Variants in TRMO observed in about 807,000 individuals in gnomAD.
TRMO encodes the protein tRNA (adenine(37)-N6)-methyltransferase.
Under a neutral mutation model 37.2 loss-of-function variants are expected in TRMO, and 30 were observed. The observed-to-expected ratio is 0.81, with a 90% CI of 0.60 to 1.09. TRMO has a LOEUF of 1.09. Among genes scored for constraint, TRMO ranks in the 50% least tolerant of loss-of-function variants. The probability of loss-of-function intolerance (pLI) is 0.00; values close to 1 mark genes in which losing one functional copy is unlikely to be tolerated. For missense variants in TRMO, 552 were observed against 549.5 expected, an observed-to-expected ratio of 1.00 and a Z score of -0.05; for synonymous variants, 239 against 199.4, an observed-to-expected ratio of 1.20 and a Z score of -1.67.
At chr9:97,908,086 T>C (rs1478199253) in intron 4 of TRMO, among the ~76,000 whole-genome samples, 2 of 151,670 alleles carry the variant, frequency 1.3e-5, no homozygotes, top group African/African-American at 4.8e-5. Context: ...TCAAGACAAG[T>C]CTGGGCAACA....
Position 97,909,963 on chromosome 9 carries a change from G to A in TRMO, c.1063C>T (p.Gln355Ter), listed in dbSNP as rs1401983107. The A allele has an allele frequency of 2.6e-6, 4 of 1,525,758 alleles. No individual in the cohort carries two copies. The highest frequency in any genetic ancestry group is 3.5e-6 in the Non-Finnish European group (4 of 1,137,680). The allele number at this position is 1,525,758 out of a possible 1,614,324, so 94.5% of individuals were successfully genotyped here. Residue 355 changes from glutamine (Q) to a stop codon, truncating the protein, a stop_gained, in exon 4 of 5, where the codon CAA becomes TAA. Transcript: ENST00000375119. LOFTEE classifies it high-confidence loss of function. ...AEMDLGQLSS[Q>*]DVGQASFKYF... ...AGAATGAAGAAACTGAAGATACCTT[G>A]TGAACTGAGCTGCCCAAGGTCCATC...
At chr9:97,900,712 T>G, downstream of TRMO, 1 of 934,942 alleles carries the variant, frequency 1.1e-6, no homozygotes, top group South Asian at 4.9e-5. Flanking sequence ...TCCAAGGACA[T>G]GATAAAAGTT....
downstream of TRMO, chr9:97,904,378 A>G (rs942377938): frequency 1.7e-6 from 1 of 574,060 alleles, no homozygotes; most frequent in African/African-American, 2.0e-5. Flanking sequence ...GAAAACCAAT[A>G]TGAATTACTG....
At chr9:97,899,087 C>T in the TRMO span, among the ~76,000 whole-genome samples, 1 of 152,036 alleles carries the variant, frequency 6.6e-6, no homozygotes, top group South Asian at 2.1e-4. Flanking sequence ...ATCCGCCCGC[C>T]TCGGCCTCCC....
chr9:97,910,329 T>C lies in TRMO; in HGVS notation c.697A>G (p.Thr233Ala), dbSNP rs201296419. ...EDRTSEENYL[T>A]HSDTARIQQA... ...TGAATTCTGGCTGTGTCACTGTGTGTCAGGTAGTTTTCTTCTGAAGTTCTG... is the reference window on the plus strand; with the variant it reads ...TGAATTCTGGCTGTGTCACTGTGTGCCAGGTAGTTTTCTTCTGAAGTTCTG... The change falls in exon 4 of 5, where the codon ACA becomes GCA. Residue 233 changes from threonine to alanine, a missense_variant. Thr to Ala is a moderately conservative substitution (Grantham distance 58). Transcript: ENST00000375119. The C allele has an allele frequency of 6.8e-6, 11 of 1,614,206 alleles. No individual in the cohort carries two copies. The highest frequency in any genetic ancestry group is 1.1e-5 in the South Asian group (1 of 91,086).
In TRMO at chr9:97,910,225, T is replaced by C; in HGVS notation, c.801A>G (p.Ala267=). 6.2e-7 allele frequency: 1 copy of C among 1,614,248 alleles called. No individual in the cohort carries two copies. Among genetic ancestry groups the C allele is most frequent in the Non-Finnish European group, 8.5e-7 (1 of 1,180,040 alleles). ...ESRRDQSSSV[A]EEQIGPYCPE... is the part of the protein sequence containing the mutation. ...GGCAATATGGGCCAATTTGTTCTTC[T>C]GCCACGCTGGAACTCTGATCACGTC... The change falls in exon 4 of 5, where the codon GCA becomes GCG. Residue 267 remains alanine, a synonymous_variant. Coordinates refer to ENST00000375119, the MANE Select transcript of TRMO (RefSeq NM_016481.5).
chr9:97,909,374 C>G (rs1048308643), intron 4 of TRMO, among the ~76,000 whole-genome samples: 17 of 152,104 alleles, frequency 1.1e-4, no homozygotes, highest in African/African-American at 4.1e-4. Flanking sequence ...TGTTAAGAAC[C>G]ATGTGTTAAA....
At chr9:97,901,128 T>G (rs1191465888), downstream of TRMO, among the ~76,000 whole-genome samples, 1 of 152,260 alleles carries the variant, frequency 6.6e-6, no homozygotes, top group Non-Finnish European at 1.5e-5. Flanking sequence ...CAGCTTGAAC[T>G]CCTGGTGTTT....
chr9:97,913,649 T>C lies in TRMO; in HGVS notation c.252-91A>G. The C allele has an allele frequency of 1.1e-5, 9 of 818,432 alleles. No homozygotes were observed. The South Asian group carries it at 1.5e-4, about 13-fold the overall frequency. The allele number at this position is 818,432 out of a possible 1,614,324, so 50.7% of individuals were successfully genotyped here. A position where few individuals can be genotyped will look rare whatever the true frequency, so the allele number is the denominator to read the frequency against. ...ATCTGATGGGGAAAAAAATGCAATC[T>C]CCCACAAATTAACAGAAATCATGTT... On this transcript the variant is annotated intron_variant, in intron 2 of 4. Transcript: ENST00000375119.
Position 97,910,383 on chromosome 9 carries a change from T to C in TRMO, c.643A>G (p.Thr215Ala), listed in dbSNP as rs1242990099. The C allele has an allele frequency of 1.9e-6, 3 of 1,614,084 alleles. No individual in the cohort carries two copies. The highest frequency in any genetic ancestry group is 2.5e-6 in the Non-Finnish European group (3 of 1,180,036). ...TCAGGACATTTAGGTTTCCTCTTAG[T>C]GCTATGGTGGGGTTGTGGCTCATCA... ...GCDEPQPHHS[T>A]KRKPKCPEDR... The change falls in exon 4 of 5, where the codon ACT becomes GCT. Residue 215 changes from threonine (T) to alanine (A), a missense_variant. Transcript: ENST00000375119.
At chr9:97,920,012 G>T (rs1201876193) in intron 1 of TRMO, among the ~76,000 whole-genome samples, 2 of 152,154 alleles carry the variant, frequency 1.3e-5, no homozygotes, top group African/African-American at 4.8e-5. Context: ...GTGCCCTCCT[G>T]GGGATAATGC....
chr9:97,907,092 G>C (rs1454211788), intron 4 of TRMO, among the ~76,000 whole-genome samples: 2 of 152,004 alleles, frequency 1.3e-5, no homozygotes, highest in Non-Finnish European at 2.9e-5. Context: ...AAAATCAAAA[G>C]CTTTGTTTAA....
downstream of TRMO, among the ~76,000 whole-genome samples, chr9:97,902,347 C>A (rs568892722): frequency 6.6e-6 from 1 of 152,332 alleles, no homozygotes; most frequent in East Asian, 1.9e-4. Context: ...GTCGCCCAGG[C>A]TGGAGTGCAG....
At chr9:97,900,475 G>A (rs971994444), downstream of TRMO, among the ~76,000 whole-genome samples, 27 of 152,188 alleles carry the variant, frequency 1.8e-4, no homozygotes, top group African/African-American at 5.5e-4. Context: ...CATTCTTCAC[G>A]AGTGGTTGGA....
downstream of TRMO, among the ~76,000 whole-genome samples, chr9:97,900,054 C>CA (rs1039295602): frequency 6.6e-6 from 1 of 151,936 alleles, no homozygotes; most frequent in Non-Finnish European, 1.5e-5. Flanking sequence ...AAGACTGCCT[C>CA]AAAAAACAAA....
At chr9:97,920,073 G>A (rs1826555741) in intron 1 of TRMO, among the ~76,000 whole-genome samples, 1 of 152,144 alleles carries the variant, frequency 6.6e-6, no homozygotes, top group African/African-American at 2.4e-5. Flanking sequence ...GTTTGCCAAG[G>A]GGAATTCTGG....
chr9:97,904,565 GT>G lies in TRMO; in HGVS notation c.*167del, dbSNP rs1825774114. ...TCTGTATTTTATATCTCTTTGTTAA[GT>G]TTATTAATGTATACGTTTTTCAAAT... On this transcript the variant is annotated 3_prime_UTR_variant, in exon 5 of 5. Coordinates refer to ENST00000375119, the MANE Select transcript of TRMO (RefSeq NM_016481.5). The G allele has an allele frequency of 6.9e-7, 1 of 1,454,364 alleles. No homozygotes were observed. The highest frequency in any genetic ancestry group is 2.6e-5 in the Admixed American group (1 of 39,092). 90.1% of individuals were successfully genotyped at this position (1,454,364 alleles called of 1,614,324 possible).
chr9:97,904,391 T>C (rs966342117), downstream of TRMO: 5 of 715,582 alleles, frequency 7.0e-6, no homozygotes, highest in African/African-American at 5.7e-5. Flanking sequence ...AATTACTGAA[T>C]AGATCCCCTC....
chr9:97,917,826 G>A (rs1022886287), intron 1 of TRMO, among the ~76,000 whole-genome samples: 5 of 150,966 alleles, frequency 3.3e-5, no homozygotes, highest in South Asian at 2.1e-4. Flanking sequence ...TTATAGGCAC[G>A]CACCAACATG....
Sources: gnomAD v4.1 joint callset for allele counts (sites outside exome capture counted in the v4.1 genomes callset) on GRCh38, gnomAD v4.1.1 for gene constraint, MANE v1.5 for transcripts, NCBI Gene and HGNC (gene_info 2026-07-23, HGNC 2026-07-21) for gene names.